Variants in PSMC6 observed in about 807,000 individuals in gnomAD.
PSMC6 encodes proteasome 26S subunit, ATPase 6.
Under a neutral mutation model 55.9 loss-of-function variants are expected in PSMC6, and 3 were observed. That is an observed-to-expected ratio of 0.05 (90% CI 0.02 to 0.14). The LOEUF (loss-of-function observed/expected upper bound fraction) is 0.14. Ranked by LOEUF, PSMC6 falls within the 10% of genes least tolerant of loss-of-function variation. PSMC6 has a pLI of 1.00. For missense variants in PSMC6, 210 were observed against 478.7 expected (o/e 0.44, Z 5.24); for synonymous variants, 137 against 155.9 (o/e 0.88, Z 0.90).
intron 7 of PSMC6, among the ~76,000 whole-genome samples, chr14:52,715,774 G>A (rs898339470): frequency 2.0e-5 from 3 of 152,014 alleles, no homozygotes; most frequent in Admixed American, 6.6e-5. Context: ...GTGCCACCAT[G>A]CCAGGCTAAT....
intron 4 of PSMC6, chr14:52,709,500 A>G (rs2041742232): frequency 2.3e-6 from 1 of 436,604 alleles, no homozygotes; most frequent in Non-Finnish European, 4.5e-6. Flanking sequence ...TTTGCCTAGT[A>G]TATAAGCGGT....
At chr14:52,712,212 C>T (rs1477378294) in intron 6 of PSMC6, among the ~76,000 whole-genome samples, 1 of 152,110 alleles carries the variant, frequency 6.6e-6, no homozygotes, top group Non-Finnish European at 1.5e-5. Flanking sequence ...TACTTCAGTA[C>T]ATTAATTTTT....
chr14:52,713,366 G>T (rs148634964), intron 6 of PSMC6, among the ~76,000 whole-genome samples: 1 of 152,108 alleles, frequency 6.6e-6, no homozygotes, highest in African/African-American at 2.4e-5. Context: ...AAAAGCTGCC[G>T]TGGCAAAATG....
intron 13 of PSMC6, among the ~76,000 whole-genome samples, chr14:52,724,544 T>C (rs1201550769): frequency 1.3e-5 from 2 of 152,222 alleles, no homozygotes; most frequent in Admixed American, 1.3e-4. Flanking sequence ...TGCTGCAAAA[T>C]GAATTGTGTA....
At chr14:52,712,950 G>A (rs762260405) in intron 6 of PSMC6, among the ~76,000 whole-genome samples, 8 of 152,068 alleles carry the variant, frequency 5.3e-5, no homozygotes, top group Non-Finnish European at 1.0e-4. Context: ...TTTCTCTCTC[G>A]GTCAGGCATG....
intron 6 of PSMC6, 29 bp downstream of exon 6, chr14:52,711,553 C>T: frequency 2.7e-6 from 4 of 1,455,664 alleles, no homozygotes; most frequent in Non-Finnish European, 3.8e-6. Flanking sequence ...GTTCTCTGAA[C>T]TTAGCTAATA....
At chr14:52,718,434 T>C in intron 9 of PSMC6, 82 bp downstream of exon 9, 1 of 1,419,092 alleles carries the variant, frequency 7.0e-7, no homozygotes, top group Non-Finnish European at 9.7e-7. Flanking sequence ...AATCTGTAAT[T>C]GTGACTTGTA....
intron 6 of PSMC6, among the ~76,000 whole-genome samples, chr14:52,713,613 G>A (rs547105960): frequency 6.6e-6 from 1 of 152,078 alleles, no homozygotes; most frequent in South Asian, 2.1e-4. Flanking sequence ...AATATGTTTG[G>A]ACAAGTTATA....
chr14:52,720,366 T>TGAAAAAAAA (rs1420424928), intron 10 of PSMC6, among the ~76,000 whole-genome samples: 1 of 9,692 alleles, frequency 1.0e-4, no homozygotes, highest in African/African-American at 5.6e-4. Flanking sequence ...AAACTCTGTC[T>TGAAAAAAAA]CAAAAAAAAA....
At chr14:52,719,718 C>A (rs1309067441) in intron 10 of PSMC6, among the ~76,000 whole-genome samples, 2 of 152,138 alleles carry the variant, frequency 1.3e-5, no homozygotes, top group Non-Finnish European at 2.9e-5. Flanking sequence ...ATTATAAAAT[C>A]TCTTAGAAAC....
At chr14:52,708,897 G>A in intron 4 of PSMC6, 81 bp downstream of exon 4, 1 of 1,573,152 alleles carries the variant, frequency 6.4e-7, no homozygotes, top group South Asian at 1.2e-5. Context: ...CTTGAGGCAA[G>A]CAGGTGGAGC....
At chr14:52,720,000 A>G (rs1594852627) in intron 10 of PSMC6, among the ~76,000 whole-genome samples, 1 of 152,122 alleles carries the variant, frequency 6.6e-6, no homozygotes, top group African/African-American at 2.4e-5. Flanking sequence ...CCAGCTGGGC[A>G]GATCATGAGG....
chr14:52,717,888 C>A (rs529470921), intron 7 of PSMC6, among the ~76,000 whole-genome samples, 193 bp from the exon 8 acceptor site: 1 of 151,818 alleles, frequency 6.6e-6, no homozygotes, highest in African/African-American at 2.4e-5. Context: ...CTTAGCTGTG[C>A]GTGATGGCAC....
At position 52,713,911 on chromosome 14, in the gene PSMC6, T is replaced by G; in HGVS notation, c.472T>G (p.Leu158Val). The part of the protein sequence containing the change: ...VIELPLTNPE[L>V]FQRVGIIPPK... ...AGAATTACCTCTTACAAACCCAGAG[T>G]TATTTCAGCGTGTAGGAATAATACC... Residue 158 changes from leucine (L) to valine (V), a missense_variant, in exon 7 of 14, where the codon TTA becomes GTA. By Grantham distance (32) the Leu-to-Val change is conservative. Transcript: ENST00000445930. 6.2e-7 allele frequency: 1 copy of G among 1,600,536 alleles called. No homozygotes were observed. The highest frequency in any genetic ancestry group is 8.5e-7 in the Non-Finnish European group (1 of 1,170,584).
At chr14:52,720,044 G>A (rs995148469) in intron 10 of PSMC6, among the ~76,000 whole-genome samples, 4 of 151,910 alleles carry the variant, frequency 2.6e-5, no homozygotes, top group African/African-American at 7.3e-5. Flanking sequence ...CCAACGTAGC[G>A]AAACACCATC....
At chr14:52,718,948 C>T in intron 9 of PSMC6, 29 bp from the exon 10 acceptor site, 2 of 1,527,836 alleles carry the variant, frequency 1.3e-6, no homozygotes, top group Non-Finnish European at 1.8e-6. Context: ...AAGAGTAATG[C>T]ATATAAATTT....
At chr14:52,726,932 G>A (rs1300438227) in intron 13 of PSMC6, among the ~76,000 whole-genome samples, 3 of 151,576 alleles carry the variant, frequency 2.0e-5, no homozygotes, top group Non-Finnish European at 4.4e-5. Flanking sequence ...GTGAGCCACC[G>A]TGCCCAGCCT....
At chr14:52,726,228 A>G (rs1266093010) in intron 13 of PSMC6, among the ~76,000 whole-genome samples, 1 of 152,216 alleles carries the variant, frequency 6.6e-6, no homozygotes, top group Admixed American at 6.5e-5. Flanking sequence ...AACTGCATAC[A>G]AGGAAACTTT....
chr14:52,708,844 G>A, intron 4 of PSMC6, 28 bp downstream of exon 4: 1 of 1,607,768 alleles, frequency 6.2e-7, no homozygotes, highest in Middle Eastern at 1.7e-4. Context: ...TATAGTGCCT[G>A]ATGATTGACA....
Sources: gnomAD v4.1 joint callset for allele counts (sites outside exome capture counted in the v4.1 genomes callset) on GRCh38, gnomAD v4.1.1 for gene constraint, MANE v1.5 for transcripts, NCBI Gene and HGNC (gene_info 2026-07-23, HGNC 2026-07-21) for gene names.